Variants in TFRC observed in about 807,000 individuals in gnomAD.
TFRC encodes transferrin receptor.
Under a neutral mutation model 85.8 loss-of-function variants are expected in TFRC, and 35 were observed. That is an observed-to-expected ratio of 0.41 (90% CI 0.31 to 0.54). The LOEUF (loss-of-function observed/expected upper bound fraction) is 0.54, where lower values mean the gene tolerates loss of function less well. Ranked by LOEUF, TFRC falls within the 20% of genes least tolerant of loss-of-function variation. The pLI is 0.31. For synonymous variants in TFRC, 362 were observed against 328.6 expected (o/e 1.10, Z -1.10); for missense variants, 828 against 921.5 (o/e 0.90, Z 1.31).
chr3:196,065,557 T>C lies in TFRC; in HGVS notation c.1084A>G (p.Thr362Ala), dbSNP rs756312991. Residue 362 changes from threonine (T) to alanine (A), a missense_variant, in exon 10 of 19, where the codon ACA (threonine) becomes GCA (alanine). Physicochemically the swap from Thr to Ala is moderately conservative, Grantham distance 58. Transcript: ENST00000360110. ...DCPSDWKTDS[T>A]CRMVTSESKN... ...CTTTCTGAGGTTACCATCCTACATG[T>C]AGAGTCTGTTTTCCAGTCAGAGGGA... The C allele has an allele frequency of 3.1e-6, 5 of 1,612,480 alleles. No individual in the cohort carries two copies. Among genetic ancestry groups the C allele is most frequent in the South Asian group, 2.2e-5 (2 of 90,946 alleles).
In TFRC at chr3:196,067,585, G is replaced by C; in HGVS notation, c.973C>G (p.Arg325Gly). The change falls in exon 9 of 19, where the codon CGG becomes GGG. Residue 325 changes from arginine (R) to glycine (G), a missense_variant. Coordinates refer to ENST00000360110, the MANE Select transcript of TFRC (RefSeq NM_001128148.3). ...SFNHTQFPPS[R>G]SSGLPNIPVQ... ...GGTATATTAGGCAATCCTGATGACC[G>C]AGATGGTGGAAACTGAGTGTGATTG... 2 of 1,614,148 alleles carry C rather than the reference G, an allele frequency of 1.2e-6. No individual in the cohort carries two copies. Among genetic ancestry groups the C allele is most frequent in the Non-Finnish European group, 8.5e-7 (1 of 1,180,012 alleles).
intron 16 of TFRC, among the ~76,000 whole-genome samples, chr3:196,057,210 G>A (rs967518582): frequency 6.6e-6 from 1 of 152,208 alleles, no homozygotes; most frequent in Non-Finnish European, 1.5e-5. Flanking sequence ...CCTGGTCCTG[G>A]TTAAAGATCG....
chr3:196,073,581 C>T (rs1718410451), intron 4 of TFRC, among the ~76,000 whole-genome samples: 5 of 152,144 alleles, frequency 3.3e-5, no homozygotes, highest in Admixed American at 3.3e-4. Flanking sequence ...CAGAGAAAAG[C>T]TACTGATGTC....
In TFRC at chr3:196,071,311, A is replaced by G. The variant is rs927390308; in HGVS notation, c.687+85T>C. ...TCATGATCATTTACATTTTACAGGT[A>G]AATTTATAACTCCTAAGAACAGAAA... On this transcript the variant is annotated intron_variant, in intron 6 of 18. Transcript: ENST00000360110. 6.1e-6 allele frequency: 8 copies of G among 1,310,026 alleles called. 1 individual carries two copies. Among genetic ancestry groups the G allele is most frequent in the Non-Finnish European group, 7.6e-6 (7 of 923,178 alleles). The allele number at this position is 1,310,026 out of a possible 1,614,324, so 81.2% of individuals were successfully genotyped here.
intron 9 of TFRC, among the ~76,000 whole-genome samples, chr3:196,065,885 G>A (rs554881520): frequency 6.6e-6 from 1 of 151,844 alleles, no homozygotes; most frequent in South Asian, 2.1e-4. Context: ...AGCTACTAAG[G>A]AGGATGAGGA....
chr3:196,053,838 G>A lies in TFRC; in HGVS notation c.1900-280C>T, dbSNP rs557527. 0.32 allele frequency among the ~76,000 whole-genome samples: 47,905 copies of A among 152,034 alleles called. 7,667 individuals are homozygous for A. The highest frequency in any genetic ancestry group is 0.34 in the South Asian group (1,644 of 4,818). ...GTTTCCAGTTCAATTCTCCTTTTGG[G>A]GGAAAATGTCCCTATAGGGGAAAAC... On this transcript the variant is annotated intron_variant, in intron 17 of 18. Coordinates refer to ENST00000360110, the MANE Select transcript of TFRC (RefSeq NM_001128148.3).
chr3:196,067,411 C>T (rs1717823028), intron 9 of TFRC, 107 bp downstream of exon 9: 3 of 1,287,336 alleles, frequency 2.3e-6, no homozygotes, highest in Non-Finnish European at 2.1e-6. Context: ...TCCAAATTCC[C>T]AAATGTGGAA....
chr3:196,060,273 C>T (rs1196302070), intron 13 of TFRC, 26 bp from the exon 14 acceptor site: 1 of 1,598,644 alleles, frequency 6.3e-7, no homozygotes. Flanking sequence ...TTTATCATTG[C>T]CCCTTCTCCA....
Position 196,053,401 on chromosome 3 carries a change from C to T in TFRC, c.2040+17G>A. On this transcript the variant is annotated intron_variant, in intron 18 of 18. Coordinates refer to ENST00000360110, the MANE Select transcript of TFRC (RefSeq NM_001128148.3). The stretch of plus-strand genomic sequence containing the variant: ...TTACACATACTTTAGTTCCTCCTTT[C>T]CCAAAAGTTCACTTACTCTCATGAC... The T allele has an allele frequency of 1.2e-6, 2 of 1,614,008 alleles. No individual in the cohort carries two copies. Among genetic ancestry groups the T allele is most frequent in the Non-Finnish European group, 1.7e-6 (2 of 1,179,930 alleles).
rs1718469124 is a variant in TFRC, at chr3:196,074,262, A to T, written c.239-137T>A. 6.8e-6 allele frequency: 5 copies of T among 738,754 alleles called. No individual in the cohort carries two copies. In the South Asian group the frequency reaches 1.1e-4, roughly 16 times the overall value. The allele number at this position is 738,754 out of a possible 1,614,324, so 45.8% of individuals were successfully genotyped here. ...TAAGTAGTTTTAAAGTATATAATGC[A>T]TCTCAGTTTTGTATACTTTAAACCA... On this transcript the variant is annotated intron_variant, in intron 3 of 18. Coordinates refer to ENST00000360110, the MANE Select transcript of TFRC (RefSeq NM_001128148.3).
At chr3:196,080,614 T>C (rs1719088131) in intron 1 of TFRC, among the ~76,000 whole-genome samples, 1 of 152,242 alleles carries the variant, frequency 6.6e-6, no homozygotes, top group Non-Finnish European at 1.5e-5. Context: ...TTAAATACAT[T>C]ATCAGAGGCA....
At chr3:196,054,746 C>T (rs527365559) in intron 17 of TFRC, among the ~76,000 whole-genome samples, 5 of 152,292 alleles carry the variant, frequency 3.3e-5, no homozygotes, top group Admixed American at 6.5e-5. Context: ...TCTTTCCATC[C>T]GGGTCACGCC....
rs768148888 is a variant in TFRC at position 196,051,911 on chromosome 3, G to A, written c.*31C>T. ...ACAAGTCTAGAAACCAGACTACCCT[G>A]CTGTTCTCATGGAAGCTATGGGTAT... is the stretch of plus-strand genomic sequence containing the variant. On this transcript the variant is annotated 3_prime_UTR_variant, in exon 19 of 19. Coordinates refer to ENST00000360110, the MANE Select transcript of TFRC (RefSeq NM_001128148.3). The A allele has an allele frequency of 1.3e-5, 21 of 1,608,524 alleles. No homozygotes were observed. The highest frequency in any genetic ancestry group is 1.8e-5 in the Non-Finnish European group (21 of 1,176,332).
chr3:196,068,927 C>CAAAAAAAAAAAAAAA (rs55642820), intron 7 of TFRC, among the ~76,000 whole-genome samples: 1 of 85,278 alleles, frequency 1.2e-5, no homozygotes, highest in African/African-American at 4.9e-5. Context: ...GACTCCGTCT[C>CAAAAAAAAAAAAAAA]AAAAAAAAAA....
rs1400226504 is a variant in TFRC, at chr3:196,058,356, G to A, written c.1605C>T (p.Leu535=). 1.2e-6 allele frequency: 2 copies of A among 1,613,870 alleles called. No individual in the cohort carries two copies. The highest frequency in any genetic ancestry group is 2.2e-5 in the South Asian group (2 of 91,018). Residue 535 remains leucine (L), a synonymous_variant, in exon 16 of 19, where the codon CTC becomes CTT. Coordinates refer to ENST00000360110, the MANE Select transcript of TFRC (RefSeq NM_001128148.3). Reference sequence around the variant, plus strand: ...AAGGGAAAGCAGCATTGTCTAAAGTGAGTTTCTCACTGCAAAGACAAAGAA... The same window carrying A: ...AAGGGAAAGCAGCATTGTCTAAAGTAAGTTTCTCACTGCAAAGACAAAGAA... ...DSNWASKVEK[L]TLDNAAFPFL...
chr3:196,070,246 C>T (rs897473717), intron 6 of TFRC, among the ~76,000 whole-genome samples: 26 of 150,438 alleles, frequency 1.7e-4, no homozygotes, highest in African/African-American at 6.1e-4. Context: ...ACTAGAGATA[C>T]GCCTGACTTA....
At chr3:196,076,367 T>G (rs1718697208) in intron 2 of TFRC, among the ~76,000 whole-genome samples, 1 of 151,872 alleles carries the variant, frequency 6.6e-6, no homozygotes, top group Non-Finnish European at 1.5e-5. Context: ...AGTCTCAAAC[T>G]CCTCAAGTGA....
At chr3:196,058,183 C>CTA in intron 16 of TFRC, 101 bp downstream of exon 16, 1 of 905,548 alleles carries the variant, frequency 1.1e-6, no homozygotes, top group Non-Finnish European at 1.8e-6. Context: ...ACATAGTTGA[C>CTA]TATAGCACAG....
At chr3:196,062,560 A>G (rs995183440) in intron 13 of TFRC, 22 bp downstream of exon 13, 1 of 1,594,818 alleles carries the variant, frequency 6.3e-7, no homozygotes, top group African/African-American at 1.4e-5. Flanking sequence ...ATTCATACAC[A>G]GCTAATGAAA....
Sources: allele counts gnomAD v4.1 joint callset (sites outside exome capture counted in the v4.1 genomes callset), GRCh38; gene constraint gnomAD v4.1.1; transcripts MANE v1.5; gene names NCBI Gene and HGNC (gene_info 2026-07-23, HGNC 2026-07-21).